Variants in TRAK1 observed in about 807,000 individuals in gnomAD.
TRAK1 encodes the protein trafficking kinesin protein 1.
Under a neutral mutation model 92.1 loss-of-function variants are expected in TRAK1, and 33 were observed. The ratio of observed to expected loss-of-function variants is 0.36; its 90% confidence interval spans 0.27 to 0.48. TRAK1 has a LOEUF of 0.48. Among genes scored for constraint, TRAK1 ranks in the 20% least tolerant of loss-of-function variants. The pLI, the probability that TRAK1 is intolerant of heterozygous loss-of-function variation, is 0.99. For missense variants in TRAK1, 1,123 were observed against 1,257.9 expected (o/e 0.89, Z 1.62); for synonymous variants, 521 against 517.3 (o/e 1.01, Z -0.10).
chr3:42,153,297 G>A (rs973469431), intron 2 of TRAK1, among the ~76,000 whole-genome samples: 4 of 152,000 alleles, frequency 2.6e-5, no homozygotes, highest in Admixed American at 6.6e-5. Context: ...CCAGCTACTC[G>A]GAAGCTGAGG....
intron 2 of TRAK1, chr3:42,146,362 TATC>T (rs1174497586): frequency 3.6e-6 from 1 of 274,622 alleles, no homozygotes; most frequent in African/African-American, 2.3e-5. Context: ...GAAGCTCTTG[TATC>T]ATCCATAGTT....
At chr3:42,028,011 A>T (rs960009268) in intron 1 of TRAK1, among the ~76,000 whole-genome samples, 3 of 151,918 alleles carry the variant, frequency 2.0e-5, no homozygotes, top group African/African-American at 4.8e-5. Flanking sequence ...TATCATGCCC[A>T]GCTGATTTTT....
chr3:42,073,696 T>C (rs1704030990), intron 1 of TRAK1, among the ~76,000 whole-genome samples: 1 of 152,178 alleles, frequency 6.6e-6, no homozygotes, highest in African/African-American at 2.4e-5. Flanking sequence ...CTGCAACTCA[T>C]CTCCTCATCT....
intron 2 of TRAK1, among the ~76,000 whole-genome samples, chr3:42,175,400 C>T (rs1253700263): frequency 6.6e-6 from 1 of 152,162 alleles, no homozygotes; most frequent in East Asian, 1.9e-4. Context: ...TCATCTACAT[C>T]AAATTAGATC....
intron 1 of TRAK1, among the ~76,000 whole-genome samples, chr3:42,022,495 G>C (rs907376818): frequency 6.6e-6 from 1 of 151,804 alleles, no homozygotes; most frequent in African/African-American, 2.4e-5. Context: ...GCCAAGGCGG[G>C]TGGATTGCTT....
chr3:42,218,547 CTTGAG>C (rs771871053), intron 14 of TRAK1: 22 of 984,370 alleles, frequency 2.2e-5, no homozygotes, highest in Non-Finnish European at 2.7e-5. Flanking sequence ...TTTCCTGATG[CTTGAG>C]TTATGAATGA....
intron 2 of TRAK1, among the ~76,000 whole-genome samples, chr3:42,172,662 C>T (rs984983403): frequency 9.2e-5 from 14 of 152,184 alleles, no homozygotes; most frequent in African/African-American, 3.4e-4. Context: ...CCCCATCCTC[C>T]AGGCTGCCCT....
At chr3:42,115,818 GT>G (rs1240183552) in intron 1 of TRAK1, among the ~76,000 whole-genome samples, 21 of 152,296 alleles carry the variant, frequency 1.4e-4, no homozygotes, top group Admixed American at 1.0e-3. Flanking sequence ...CCTATCCCTT[GT>G]CCCTTTGTGG....
chr3:42,045,187 G>A (rs1254819496), intron 1 of TRAK1, among the ~76,000 whole-genome samples: 1 of 152,032 alleles, frequency 6.6e-6, no homozygotes, highest in Non-Finnish European at 1.5e-5. Flanking sequence ...CCTACTGTGG[G>A]AACTATTTGA....
chr3:42,115,994 C>T (rs1709108573), intron 1 of TRAK1, among the ~76,000 whole-genome samples: 1 of 152,244 alleles, frequency 6.6e-6, no homozygotes, highest in Non-Finnish European at 1.5e-5. Flanking sequence ...AATCCTCATC[C>T]TGCACTGCCT....
intron 9 of TRAK1, among the ~76,000 whole-genome samples, chr3:42,194,535 C>T (rs1706316635): frequency 6.6e-6 from 1 of 152,198 alleles, no homozygotes; most frequent in South Asian, 2.1e-4. Context: ...CATTCCTAGC[C>T]TGATTTTTCT....
chr3:42,089,586 C>T (rs1447607484), upstream of TRAK1, among the ~76,000 whole-genome samples: 1 of 152,132 alleles, frequency 6.6e-6, no homozygotes. Context: ...GCACATCCAG[C>T]CTCAGGGTCT....
rs80327327 is a variant in TRAK1 at position 42,220,781 on chromosome 3, C to T, written c.2066+1185C>T. Among the ~76,000 whole-genome samples, 4 of 152,226 alleles carry T rather than the reference C, an allele frequency of 2.6e-5. No individual in the cohort carries two copies. In the East Asian group the frequency reaches 7.7e-4, roughly 29 times the overall value. On this transcript the variant is annotated intron_variant, in intron 15 of 15. Transcript: ENST00000327628. ...CCCCCAGTCAAGCCGAGTGCCAGCA[C>T]TAATAAAGGCCTAACCCTAAGTTCT...
chr3:42,184,210 G>C (rs1466607175), intron 3 of TRAK1, among the ~76,000 whole-genome samples: 2 of 152,196 alleles, frequency 1.3e-5, no homozygotes, highest in Non-Finnish European at 2.9e-5. Flanking sequence ...TGCTAAAGAG[G>C]CTGCCTCCCT....
At chr3:42,135,543 C>A (rs1187447523) in intron 2 of TRAK1, among the ~76,000 whole-genome samples, 3 of 152,140 alleles carry the variant, frequency 2.0e-5, no homozygotes, top group Admixed American at 2.0e-4. Flanking sequence ...CCTTGGCCAC[C>A]AAACGAGACC....
At chr3:42,078,917 G>C (rs966423816) in intron 1 of TRAK1, among the ~76,000 whole-genome samples, 3 of 152,174 alleles carry the variant, frequency 2.0e-5, no homozygotes, top group Non-Finnish European at 4.4e-5. Flanking sequence ...GGAGCTCATG[G>C]AAAGCATAAG....
chr3:42,079,616 A>G (rs966110739), intron 1 of TRAK1, among the ~76,000 whole-genome samples: 1 of 151,476 alleles, frequency 6.6e-6, no homozygotes, highest in Non-Finnish European at 1.5e-5. Flanking sequence ...AGTAGCTGGG[A>G]CTACAGGCGC....
At chr3:42,023,963 C>T (rs1385911879) in intron 1 of TRAK1, among the ~76,000 whole-genome samples, 1 of 151,928 alleles carries the variant, frequency 6.6e-6, no homozygotes, top group Non-Finnish European at 1.5e-5. Flanking sequence ...CCATGTTGGC[C>T]AGGCTGGTCT....
intron 15 of TRAK1, chr3:42,222,046 A>C (rs747277799): frequency 2.4e-4 from 37 of 152,080 alleles, no homozygotes; most frequent in Non-Finnish European, 4.7e-4. Context: ...GCAGACAACA[A>C]TGCATTCCCC....
Sources: allele counts gnomAD v4.1 joint callset (sites outside exome capture counted in the v4.1 genomes callset), GRCh38; gene constraint gnomAD v4.1.1; transcripts MANE v1.5; gene names NCBI Gene and HGNC (gene_info 2026-07-23, HGNC 2026-07-21).